Variants in F2RL1 observed in about 807,000 individuals in gnomAD.
F2RL1 encodes the protein proteinase-activated receptor 2.
F2RL1 carries 16 observed loss-of-function variants against 21.7 expected under a neutral mutation model. The ratio of observed to expected loss-of-function variants is 0.74; its 90% CI spans 0.50 to 1.12. The LOEUF is 1.12. F2RL1 is among the 50% of genes most tolerant of loss of function. F2RL1 has a pLI of 0.00. For synonymous variants in F2RL1, 181 were observed against 186.7 expected (o/e 0.97, Z 0.25); for missense variants, 432 against 477.8 (o/e 0.90, Z 0.89).
intron 1 of F2RL1, among the ~76,000 whole-genome samples, chr5:76,829,360 G>A (rs979069525): frequency 2.0e-5 from 3 of 151,394 alleles, no homozygotes; most frequent in Non-Finnish European, 4.4e-5. Flanking sequence ...GCCTCTCAAA[G>A]TGCTGGGTAT....
chr5:76,833,782 C>T lies in F2RL1; in HGVS notation c.1175C>T (p.Thr392Ile), dbSNP rs1750404801. The T allele has an allele frequency of 1.2e-6, 2 of 1,613,590 alleles. No individual in the cohort carries two copies. Among genetic ancestry groups the T allele is most frequent in the Non-Finnish European group, 1.7e-6 (2 of 1,179,692 alleles). ...KSSSYSSSST[T>I]VKTSY ...AGCTCTTACTCTTCAAGTTCAACCA[C>T]TGTTAAGACCTCCTATTGAGTTTTC... Residue 392 changes from threonine to isoleucine, a missense_variant, in exon 2 of 2, where the codon ACT becomes ATT. Thr to Ile is a moderately conservative substitution (Grantham distance 89, BLOSUM62 -1). Coordinates refer to ENST00000296677, the MANE Select transcript of F2RL1 (RefSeq NM_005242.6).
intron 1 of F2RL1, among the ~76,000 whole-genome samples, chr5:76,832,283 A>G (rs999035472): frequency 1.5e-4 from 23 of 152,258 alleles, no homozygotes; most frequent in Non-Finnish European, 2.6e-4. Flanking sequence ...TAATCCTCTA[A>G]TAGTACATTT....
intron 1 of F2RL1, among the ~76,000 whole-genome samples, chr5:76,820,286 C>T (rs1750108298): frequency 6.6e-6 from 1 of 152,186 alleles, no homozygotes; most frequent in Non-Finnish European, 1.5e-5. Context: ...CTAACCGAGG[C>T]CCCTCTGTTT....
rs1750425409 is a variant in F2RL1 at position 76,834,626 on chromosome 5, G to A, written c.*825G>A. 6.6e-6 allele frequency: 1 copy of A among 152,122 alleles called. No individual in the cohort carries two copies. Among genetic ancestry groups the A allele is most frequent in the African/African-American group, 2.4e-5 (1 of 41,422 alleles). 9.4% of individuals were successfully genotyped at this position (152,122 alleles called of 1,614,324 possible). A position where few individuals can be genotyped will look rare whatever the true frequency, so the allele number is the denominator to read the frequency against. On this transcript the variant is annotated 3_prime_UTR_variant, in exon 2 of 2. Transcript: ENST00000296677. ...ATTGCACCACTGCACTCCAGCTTGGGTGATAAAATAAAATAAAATAGTCGT... is the reference window on the plus strand; with the variant it reads ...ATTGCACCACTGCACTCCAGCTTGGATGATAAAATAAAATAAAATAGTCGT...
chr5:76,830,607 T>G (rs190782233), intron 1 of F2RL1, among the ~76,000 whole-genome samples: 1 of 152,170 alleles, frequency 6.6e-6, no homozygotes, highest in African/African-American at 2.4e-5. Flanking sequence ...ACACTTGTCA[T>G]TGGATTTAGG....
intron 1 of F2RL1, among the ~76,000 whole-genome samples, chr5:76,827,686 G>T (rs555959489): frequency 7.7e-6 from 1 of 130,544 alleles, no homozygotes; most frequent in Admixed American, 9.4e-5. Flanking sequence ...TGCAACCTCC[G>T]CCTCCCAAGT....
Position 76,819,108 on chromosome 5 carries a change from C to T in F2RL1, c.-75C>T. On this transcript the variant is annotated 5_prime_UTR_variant, in exon 1 of 2. Transcript: ENST00000296677. ...GTGAGAGGCTGACTTTCTCTCGGTG[C>T]GTCCAGTGGAGCTCTGAGTTTCGAA... The T allele has an allele frequency of 8.3e-7, 1 of 1,199,774 alleles. No homozygotes were observed. The highest frequency in any genetic ancestry group is 1.2e-6 in the Non-Finnish European group (1 of 854,118). The allele number at this position is 1,199,774 out of a possible 1,614,324, so 74.3% of individuals were successfully genotyped here.
At position 76,832,677 on chromosome 5, in the gene F2RL1, C is replaced by T. The variant is rs79491386; in HGVS notation, c.83-13C>T. Reference sequence around the variant, plus strand: ...TATTTCTGTAATGACCCTTGTCTTCCTTTCTTGTACAGGAACCAGTAGATC... The same window carrying T: ...TATTTCTGTAATGACCCTTGTCTTCTTTTCTTGTACAGGAACCAGTAGATC... On this transcript the variant is annotated splice_polypyrimidine_tract_variant and intron_variant, in intron 1 of 1. Transcript: ENST00000296677. The T allele has an allele frequency of 1.3e-4, 203 of 1,573,934 alleles. No homozygotes were observed. The East Asian group carries it at 4.2e-3, about 33-fold the overall frequency.
In F2RL1 at chr5:76,833,750, G is replaced by C. The variant is rs758391576; in HGVS notation, c.1143G>C (p.Arg381Ser). Residue 381 changes from arginine (R) to serine (S), a missense_variant, in exon 2 of 2, where the codon AGG becomes AGC. Arg to Ser is a moderately radical substitution (Grantham distance 110). Transcript: ENST00000296677. The stretch of plus-strand genomic sequence containing the variant: ...CCCTCACCTCAAAGAAACACTCCAG[G>C]AAATCCAGCTCTTACTCTTCAAGTT... ...QVSLTSKKHS[R>S]KSSSYSSSST... The C allele has an allele frequency of 1.2e-6, 2 of 1,613,956 alleles. No individual in the cohort carries two copies. The highest frequency in any genetic ancestry group is 1.7e-6 in the Non-Finnish European group (2 of 1,180,014).
At chr5:76,832,652 T>C in intron 1 of F2RL1, 38 bp from the exon 2 acceptor site, 2 of 1,529,522 alleles carry the variant, frequency 1.3e-6, no homozygotes, top group South Asian at 2.6e-5. Flanking sequence ...CTGAAACATT[T>C]ATTTCTGTAA....
chr5:76,832,528 G>A (rs781043999), intron 1 of F2RL1, among the ~76,000 whole-genome samples, 162 bp from the exon 2 acceptor site: 7 of 152,132 alleles, frequency 4.6e-5, no homozygotes, highest in African/African-American at 1.2e-4. Context: ...TTGAGGCTGC[G>A]GTGCATTATG....
chr5:76,832,177 A>G lies in F2RL1; in HGVS notation c.83-513A>G, dbSNP rs1278733598. 8.9e-5 allele frequency among the ~76,000 whole-genome samples: 13 copies of G among 146,752 alleles called. No homozygotes were observed. In the East Asian group the frequency reaches 2.3e-3, roughly 26 times the overall value. ...ACAACTCCCCGATACAAAAATACTCACTGTAAGAAAAAAACCCATAAAACC... is the reference window on the plus strand; with the variant it reads ...ACAACTCCCCGATACAAAAATACTCGCTGTAAGAAAAAAACCCATAAAACC... On this transcript the variant is annotated intron_variant, in intron 1 of 1. Transcript: ENST00000296677.
At chr5:76,823,647 G>A (rs907559321) in intron 1 of F2RL1, among the ~76,000 whole-genome samples, 55 of 152,060 alleles carry the variant, frequency 3.6e-4, no homozygotes, top group African/African-American at 1.2e-3. Flanking sequence ...CCAAAGTGCT[G>A]GGATTATAGG....
chr5:76,827,156 G>T (rs572865093), intron 1 of F2RL1, among the ~76,000 whole-genome samples: 3 of 151,404 alleles, frequency 2.0e-5, no homozygotes, highest in Admixed American at 2.0e-4. Context: ...CAGCCCACTT[G>T]TTGACTGTGG....
chr5:76,824,570 G>A (rs1386683869), intron 1 of F2RL1, among the ~76,000 whole-genome samples: 1 of 150,364 alleles, frequency 6.7e-6, no homozygotes, highest in Non-Finnish European at 1.5e-5. Context: ...CTCATGATCC[G>A]CCCGCCTTAG....
At chr5:76,832,571 C>T (rs948919660) in intron 1 of F2RL1, 119 bp from the exon 2 acceptor site, 68 of 1,030,058 alleles carry the variant, frequency 6.6e-5, no homozygotes, top group Non-Finnish European at 8.3e-5. Flanking sequence ...TGGGTGACAG[C>T]GAGACCCTGT....
chr5:76,829,459 G>A (rs1192790019), intron 1 of F2RL1, among the ~76,000 whole-genome samples: 2 of 152,104 alleles, frequency 1.3e-5, no homozygotes, highest in African/African-American at 2.4e-5. Flanking sequence ...TTATCCTGTA[G>A]CAGTTCCCAG....
chr5:76,832,429 C>G (rs533753177), intron 1 of F2RL1, among the ~76,000 whole-genome samples: 1 of 152,172 alleles, frequency 6.6e-6, no homozygotes, highest in East Asian at 1.9e-4. Flanking sequence ...TAGTGAGATC[C>G]TATCTCTACA....
chr5:76,827,600 C>CTTTTT (rs70982643), intron 1 of F2RL1, among the ~76,000 whole-genome samples: 7 of 104,976 alleles, frequency 6.7e-5, no homozygotes, highest in Non-Finnish European at 9.2e-5. Flanking sequence ...CATATAGTAA[C>CTTTTT]TTTTTTTTTT....
Sources: gnomAD v4.1 joint callset for allele counts (sites outside exome capture counted in the v4.1 genomes callset) on GRCh38, gnomAD v4.1.1 for gene constraint, MANE v1.5 for transcripts, NCBI Gene and HGNC (gene_info 2026-07-23, HGNC 2026-07-21) for gene names.